The following LRRTM4 variants were observed in gnomAD, a reference collection of about 807,000 sequenced individuals.
LRRTM4 encodes leucine rich repeat transmembrane neuronal 4.
A neutral mutation model predicts 47.6 loss-of-function variants in LRRTM4; 25 were observed. The observed-to-expected ratio is 0.53, with a 90% CI of 0.38 to 0.73. LRRTM4 has a LOEUF of 0.73. LRRTM4 is among the 30% of genes least tolerant of loss of function. The pLI is 0.00. For missense variants in LRRTM4, 638 were observed against 713.4 expected (o/e 0.89, Z 1.20); for synonymous variants, 311 against 269.5 (o/e 1.15, Z -1.51).
chr2:77,047,780 G>C (rs555765164), intron 3 of LRRTM4, among the ~76,000 whole-genome samples: 7 of 152,090 alleles, frequency 4.6e-5, no homozygotes, highest in Admixed American at 1.3e-4. Flanking sequence ...AATTTTAGAA[G>C]GACAAATTTC....
At chr2:77,018,669 A>C (rs1447779330) in intron 3 of LRRTM4, among the ~76,000 whole-genome samples, 1 of 152,212 alleles carries the variant, frequency 6.6e-6, no homozygotes, top group Non-Finnish European at 1.5e-5. Context: ...ATTTTGAATT[A>C]CTAATAGTTC....
intron 3 of LRRTM4, among the ~76,000 whole-genome samples, chr2:77,224,082 C>G (rs959248606): frequency 1.3e-5 from 2 of 151,270 alleles, no homozygotes; most frequent in African/African-American, 4.9e-5. Context: ...TGATCTTTGA[C>G]AAACCTGAGA....
At chr2:76,780,308 G>A (rs1206965277) in intron 3 of LRRTM4, among the ~76,000 whole-genome samples, 3 of 152,184 alleles carry the variant, frequency 2.0e-5, no homozygotes, top group African/African-American at 7.2e-5. Flanking sequence ...ACATTGGCTT[G>A]CCTTGCTAGA....
intron 3 of LRRTM4, among the ~76,000 whole-genome samples, chr2:76,867,449 A>T (rs1033597995): frequency 6.6e-6 from 1 of 152,192 alleles, no homozygotes; most frequent in Non-Finnish European, 1.5e-5. Flanking sequence ...AAACCATGGA[A>T]ATATCTTTGC....
At chr2:76,818,845 A>G (rs74358227) in intron 3 of LRRTM4, among the ~76,000 whole-genome samples, 11,633 of 151,784 alleles carry the variant, frequency 0.077, 486 homozygotes, top group Middle Eastern at 0.14. Context: ...AATCACATAA[A>G]CTACCTAAAC....
intron 3 of LRRTM4, among the ~76,000 whole-genome samples, chr2:77,070,579 A>T (rs569266112): frequency 4.3e-4 from 66 of 152,176 alleles, no homozygotes; most frequent in South Asian, 4.1e-3. Context: ...CTACTAAGAT[A>T]TTGTATCTTT....
At chr2:76,765,146 C>T (rs1299918106) in intron 3 of LRRTM4, among the ~76,000 whole-genome samples, 2 of 152,216 alleles carry the variant, frequency 1.3e-5, no homozygotes, top group Non-Finnish European at 2.9e-5. Flanking sequence ...CCCATCACAA[C>T]TTCCTTTCTT....
At chr2:77,229,776 G>A (rs1674913980) in intron 3 of LRRTM4, among the ~76,000 whole-genome samples, 1 of 152,076 alleles carries the variant, frequency 6.6e-6, no homozygotes, top group Admixed American at 6.6e-5. Flanking sequence ...TGTACTAGAA[G>A]TTTCTTCTGC....
At chr2:77,505,606 T>C (rs139696112) in intron 3 of LRRTM4, among the ~76,000 whole-genome samples, 2,486 of 151,628 alleles carry the variant, frequency 0.016, 74 homozygotes, top group African/African-American at 0.056. Context: ...ATAAGAAATG[T>C]AACTATTAAA....
intron 3 of LRRTM4, among the ~76,000 whole-genome samples, chr2:76,972,412 C>CTTTTTTTT (rs397869502): frequency 6.3e-5 from 6 of 95,254 alleles, no homozygotes; most frequent in South Asian, 3.5e-4. Flanking sequence ...TCATTGAACA[C>CTTTTTTTT]TTTTTTTTTT....
intron 3 of LRRTM4, among the ~76,000 whole-genome samples, chr2:76,855,489 A>G (rs1573216339): frequency 2.0e-5 from 3 of 152,224 alleles, no homozygotes; most frequent in Non-Finnish European, 4.4e-5. Flanking sequence ...TTAAAACCAA[A>G]TTACAAAACA....
chr2:77,354,697 G>T (rs991118758), intron 3 of LRRTM4, among the ~76,000 whole-genome samples: 2 of 152,110 alleles, frequency 1.3e-5, no homozygotes, highest in Non-Finnish European at 2.9e-5. Flanking sequence ...CATTAATTAT[G>T]CCTCAGAGGT....
chr2:77,439,971 T>A (rs1204270081), intron 3 of LRRTM4, among the ~76,000 whole-genome samples: 1 of 152,218 alleles, frequency 6.6e-6, no homozygotes, highest in Admixed American at 6.5e-5. Flanking sequence ...AAGATTATAC[T>A]ATACACCTAA....
chr2:76,796,826 G>A (rs1675355438), intron 3 of LRRTM4, among the ~76,000 whole-genome samples: 1 of 151,986 alleles, frequency 6.6e-6, no homozygotes, highest in Non-Finnish European at 1.5e-5. Context: ...GAGTGAAGAA[G>A]GCAGACGCCT....
chr2:76,967,257 G>T (rs1341375919), intron 3 of LRRTM4, among the ~76,000 whole-genome samples: 8 of 150,270 alleles, frequency 5.3e-5, no homozygotes, highest in Non-Finnish European at 1.2e-4. Context: ...TGAGTTTCAT[G>T]CTCAATCAGT....
chr2:77,413,983 AC>A (rs1674541003), intron 3 of LRRTM4, among the ~76,000 whole-genome samples: 1 of 152,168 alleles, frequency 6.6e-6, no homozygotes, highest in African/African-American at 2.4e-5. Flanking sequence ...AGCAGAGTTC[AC>A]TACAAATCCG....
chr2:76,779,336 G>C (rs1259814673), intron 3 of LRRTM4, among the ~76,000 whole-genome samples: 2 of 150,810 alleles, frequency 1.3e-5, no homozygotes, highest in African/African-American at 4.9e-5. Context: ...CTGTCTCATT[G>C]ATCTGTCTAA....
intron 3 of LRRTM4, among the ~76,000 whole-genome samples, chr2:76,979,541 G>GTATATATATACATATATATA (rs71245361): frequency 1.2e-4 from 15 of 126,958 alleles, no homozygotes; most frequent in African/African-American, 5.1e-4. Context: ...CTGAATTTCT[G>GTATATATATACATATATATA]TATATATATA....
intron 3 of LRRTM4, among the ~76,000 whole-genome samples, chr2:76,895,706 G>A (rs1673392104): frequency 6.6e-6 from 1 of 152,038 alleles, no homozygotes; most frequent in Admixed American, 6.6e-5. Context: ...GGAATGGAAT[G>A]TGACGAGCCA....
Sources: allele counts gnomAD v4.1 joint callset (sites outside exome capture counted in the v4.1 genomes callset), GRCh38; gene constraint gnomAD v4.1.1; transcripts MANE v1.5; gene names NCBI Gene and HGNC (gene_info 2026-07-23, HGNC 2026-07-21).